PDLIM5: variants seen among roughly 807,000 people sequenced by gnomAD.
PDLIM5 encodes PDZ and LIM domain protein 5.
Under a neutral mutation model 64.2 loss-of-function variants are expected in PDLIM5, and 34 were observed. That is an observed-to-expected ratio of 0.53 (90% CI 0.40 to 0.71). PDLIM5 has a LOEUF of 0.71. Ranked by LOEUF, PDLIM5 falls within the 30% of genes least tolerant of loss-of-function variation. PDLIM5 has a pLI of 0.00. For missense variants in PDLIM5, 683 were observed against 733.6 expected (o/e 0.93, Z 0.80); for synonymous variants, 253 against 269.1 (o/e 0.94, Z 0.59).
intron 2 of PDLIM5, among the ~76,000 whole-genome samples, chr4:94,469,756 T>C (rs1172301160): frequency 6.6e-6 from 1 of 152,148 alleles, no homozygotes; most frequent in Non-Finnish European, 1.5e-5. Flanking sequence ...AAATTGCTTT[T>C]GATAGAAATT....
intron 3 of PDLIM5, among the ~76,000 whole-genome samples, chr4:94,553,403 C>T (rs1732989338): frequency 6.6e-6 from 1 of 152,172 alleles, no homozygotes; most frequent in Non-Finnish European, 1.5e-5. Flanking sequence ...GCCACCGCAC[C>T]CAGCCAAATG....
intron 7 of PDLIM5, chr4:94,587,069 T>A: frequency 6.2e-7 from 1 of 1,610,884 alleles, no homozygotes; most frequent in Non-Finnish European, 8.5e-7. Flanking sequence ...GCACGTGCTC[T>A]TAACGTACAG....
At chr4:94,594,350 T>C (rs763482162) in intron 7 of PDLIM5, among the ~76,000 whole-genome samples, 3 of 152,148 alleles carry the variant, frequency 2.0e-5, no homozygotes, top group Non-Finnish European at 2.9e-5. Flanking sequence ...AGAATAACAA[T>C]TTTAGAAATA....
intron 8 of PDLIM5, among the ~76,000 whole-genome samples, chr4:94,626,660 A>G (rs574469290): frequency 1.1e-3 from 165 of 152,228 alleles, no homozygotes; most frequent in Non-Finnish European, 2.0e-3. Flanking sequence ...CTAAGATTCT[A>G]GTTAATGTGT....
At chr4:94,495,736 G>A (rs531329947) in intron 2 of PDLIM5, among the ~76,000 whole-genome samples, 2 of 152,290 alleles carry the variant, frequency 1.3e-5, no homozygotes, top group South Asian at 2.1e-4. Context: ...GCTTTCCAGG[G>A]GGGTACACAC....
intron 8 of PDLIM5, among the ~76,000 whole-genome samples, chr4:94,619,414 G>A (rs1739044880): frequency 6.6e-6 from 1 of 151,592 alleles, no homozygotes; most frequent in Non-Finnish European, 1.5e-5. Flanking sequence ...GCCGAGGCCG[G>A]CGGATCACGA....
chr4:94,565,757 C>G (rs890212424), intron 3 of PDLIM5, among the ~76,000 whole-genome samples: 1 of 152,156 alleles, frequency 6.6e-6, no homozygotes, highest in Non-Finnish European at 1.5e-5. Context: ...GAACAATGGA[C>G]TGAAACCTGT....
intron 8 of PDLIM5, among the ~76,000 whole-genome samples, chr4:94,624,801 G>T (rs1739535601): frequency 6.6e-6 from 1 of 152,120 alleles, no homozygotes; most frequent in African/African-American, 2.4e-5. Flanking sequence ...CCAGAGAGAA[G>T]GTTGGCTGCA....
chr4:94,481,745 T>A (rs1445122676), intron 2 of PDLIM5, among the ~76,000 whole-genome samples: 3 of 151,216 alleles, frequency 2.0e-5, no homozygotes, highest in Admixed American at 6.6e-5. Context: ...AGTAGCTGGG[T>A]CTACAGGCGC....
intron 3 of PDLIM5, among the ~76,000 whole-genome samples, chr4:94,557,699 T>C (rs1455290373): frequency 6.6e-6 from 1 of 152,192 alleles, no homozygotes; most frequent in South Asian, 2.1e-4. Context: ...ATAATTTGGC[T>C]CTCTGTTTGT....
At chr4:94,577,309 T>G (rs2110290275) in intron 5 of PDLIM5, 1 of 456,530 alleles carries the variant, frequency 2.2e-6, no homozygotes, top group Non-Finnish European at 4.4e-6. Context: ...GAGGCTGTGC[T>G]TTCTGTAGCA....
intron 3 of PDLIM5, among the ~76,000 whole-genome samples, chr4:94,530,492 A>G (rs1730764525): frequency 6.8e-6 from 1 of 148,086 alleles, no homozygotes; most frequent in African/African-American, 2.5e-5. Context: ...TGTTAAATTA[A>G]TCCTCTTGGA....
chr4:94,635,758 G>A (rs939741686), intron 8 of PDLIM5, among the ~76,000 whole-genome samples: 1 of 152,220 alleles, frequency 6.6e-6, no homozygotes, highest in Non-Finnish European at 1.5e-5. Context: ...TAGGAGGCTA[G>A]CACTTGACTG....
At chr4:94,490,755 C>A (rs1158074479) in intron 2 of PDLIM5, among the ~76,000 whole-genome samples, 1 of 152,040 alleles carries the variant, frequency 6.6e-6, no homozygotes, top group Non-Finnish European at 1.5e-5. Context: ...AGAGATTATT[C>A]AAGAAGTGAT....
chr4:94,509,523 T>C (rs1169439869), intron 2 of PDLIM5, among the ~76,000 whole-genome samples: 3 of 152,212 alleles, frequency 2.0e-5, no homozygotes, highest in Non-Finnish European at 1.5e-5. Context: ...CAAGTATTTG[T>C]TGAATGATAG....
intron 8 of PDLIM5, among the ~76,000 whole-genome samples, chr4:94,627,789 T>G (rs1462436870): frequency 6.6e-6 from 1 of 152,240 alleles, no homozygotes; most frequent in African/African-American, 2.4e-5. Context: ...TGCTTGATAA[T>G]TCTGCATGGT....
intron 3 of PDLIM5, among the ~76,000 whole-genome samples, chr4:94,566,668 A>G (rs932965391): frequency 6.6e-6 from 1 of 152,192 alleles, no homozygotes; most frequent in East Asian, 1.9e-4. Context: ...CTATTCCTCA[A>G]AGAATTCCTG....
intron 9 of PDLIM5, among the ~76,000 whole-genome samples, chr4:94,647,740 C>T (rs71601224): frequency 0.36 from 55,426 of 151,872 alleles, 11,122 homozygotes; most frequent in South Asian, 0.61. Context: ...GAACATTCTC[C>T]GGGATAGACC....
chr4:94,481,678 C>CTATA, intron 2 of PDLIM5, among the ~76,000 whole-genome samples: 1 of 151,442 alleles, frequency 6.6e-6, no homozygotes, highest in East Asian at 2.0e-4. Flanking sequence ...GCGCGATCTC[C>CTATA]GCTCACTTTA....
Sources: gnomAD v4.1 joint callset for allele counts (sites outside exome capture counted in the v4.1 genomes callset) on GRCh38, gnomAD v4.1.1 for gene constraint, MANE v1.5 for transcripts, NCBI Gene and HGNC (gene_info 2026-07-23, HGNC 2026-07-21) for gene names.